CSRNP3: variants seen among roughly 807,000 people sequenced by gnomAD.
The protein encoded by CSRNP3 is cysteine and serine rich nuclear protein 3, also known as cysteine/serine-rich nuclear protein 3.
Under a neutral mutation model 48.0 loss-of-function variants are expected in CSRNP3, and 12 were observed. That is an observed-to-expected ratio of 0.25 (90% CI 0.16 to 0.41). The LOEUF (loss-of-function observed/expected upper bound fraction) is 0.41, where lower values mean the gene tolerates loss of function less well. Among genes scored for constraint, CSRNP3 ranks in the 10% least tolerant of loss-of-function variants. The probability of loss-of-function intolerance (pLI) is 1.00; values close to 1 mark genes in which losing one functional copy is unlikely to be tolerated. For synonymous variants in CSRNP3, 263 were observed against 269.7 expected (o/e 0.98, Z 0.24); for missense variants, 580 against 724.4 (o/e 0.80, Z 2.29).
chr2:165,621,094 A>G (rs62176877), intron 4 of CSRNP3, among the ~76,000 whole-genome samples: 22,683 of 152,034 alleles, frequency 0.15, 1,942 homozygotes, highest in East Asian at 0.35. Flanking sequence ...ACATAAATAT[A>G]TGATCACATT....
intron 3 of CSRNP3, among the ~76,000 whole-genome samples, chr2:165,544,890 C>G (rs541466179): frequency 3.3e-5 from 5 of 152,000 alleles, no homozygotes; most frequent in African/African-American, 1.2e-4. Context: ...AGAAAGGAAC[C>G]AAGAATTGAG....
At chr2:165,522,544 T>G (rs1246252169) in intron 3 of CSRNP3, among the ~76,000 whole-genome samples, 1 of 152,020 alleles carries the variant, frequency 6.6e-6, no homozygotes, top group African/African-American at 2.4e-5. Context: ...GAAAAGAGTT[T>G]ATTACATATG....
chr2:165,624,191 A>T (rs897877717), intron 4 of CSRNP3, among the ~76,000 whole-genome samples: 14 of 152,292 alleles, frequency 9.2e-5, no homozygotes, highest in Admixed American at 7.2e-4. Flanking sequence ...TGGACTTTTT[A>T]ATAAAATAAT....
At chr2:165,492,419 C>G (rs916415237) in intron 1 of CSRNP3, among the ~76,000 whole-genome samples, 1 of 152,030 alleles carries the variant, frequency 6.6e-6, no homozygotes, top group African/African-American at 2.4e-5. Flanking sequence ...CCCACTGTGT[C>G]TCTCTTGGGC....
chr2:165,620,149 A>G (rs1362289540), intron 4 of CSRNP3, among the ~76,000 whole-genome samples: 1 of 152,184 alleles, frequency 6.6e-6, no homozygotes, highest in Non-Finnish European at 1.5e-5. Context: ...TAAGCATGAT[A>G]AATTTTTACA....
At chr2:165,533,461 A>G (rs931274077) in intron 3 of CSRNP3, among the ~76,000 whole-genome samples, 2 of 152,038 alleles carry the variant, frequency 1.3e-5, no homozygotes, top group Non-Finnish European at 2.9e-5. Context: ...TGACAATCTC[A>G]TAAGGTTAAA....
At chr2:165,490,075 A>T in intron 1 of CSRNP3, among the ~76,000 whole-genome samples, 1 of 151,498 alleles carries the variant, frequency 6.6e-6, no homozygotes, top group East Asian at 1.9e-4. Flanking sequence ...AAATCTCCTT[A>T]AGCTGATAAG....
intron 4 of CSRNP3, among the ~76,000 whole-genome samples, chr2:165,656,221 C>G (rs1344781240): frequency 6.6e-6 from 1 of 152,304 alleles, no homozygotes; most frequent in East Asian, 1.9e-4. Context: ...AAAAGTCACT[C>G]AAATTCTACA....
chr2:165,524,831 T>G (rs894216844), intron 3 of CSRNP3, among the ~76,000 whole-genome samples: 11 of 152,232 alleles, frequency 7.2e-5, no homozygotes, highest in Admixed American at 3.9e-4. Context: ...TGTTTATTCA[T>G]CCATCCACTT....
At chr2:165,492,724 TAAAAAA>T (rs11304265) in intron 1 of CSRNP3, among the ~76,000 whole-genome samples, 3 of 110,178 alleles carry the variant, frequency 2.7e-5, no homozygotes, top group African/African-American at 1.1e-4. Context: ...ACTATTAGAG[TAAAAAA>T]AAAAAAAAAA....
intron 5 of CSRNP3, among the ~76,000 whole-genome samples, chr2:165,673,408 G>A (rs1160188217): frequency 2.6e-5 from 4 of 151,824 alleles, no homozygotes; most frequent in East Asian, 1.9e-4. Flanking sequence ...AAAGTGCTGT[G>A]ATTACAGGCA....
intron 2 of CSRNP3, among the ~76,000 whole-genome samples, chr2:165,499,591 T>C (rs16850796): frequency 0.016 from 2,414 of 152,266 alleles, 61 homozygotes; most frequent in African/African-American, 0.054. Context: ...ATATGTTTTA[T>C]ATGTTCGGCT....
At chr2:165,621,760 A>G (rs1686343726) in intron 4 of CSRNP3, among the ~76,000 whole-genome samples, 3 of 152,194 alleles carry the variant, frequency 2.0e-5, no homozygotes, top group African/African-American at 4.8e-5. Flanking sequence ...TTTAGTCTTG[A>G]TACCTGCAAC....
At chr2:165,662,220 G>C (rs1313777545) in intron 5 of CSRNP3, among the ~76,000 whole-genome samples, 1 of 150,004 alleles carries the variant, frequency 6.7e-6, no homozygotes, top group African/African-American at 2.5e-5. Context: ...TCATAAAATT[G>C]CTCCTAATTT....
intron 1 of CSRNP3, among the ~76,000 whole-genome samples, chr2:165,493,631 A>G (rs1397769430): frequency 6.6e-6 from 1 of 152,254 alleles, no homozygotes; most frequent in East Asian, 1.9e-4. Flanking sequence ...GAGATTAAAT[A>G]AGGAAAGCAT....
At chr2:165,604,493 T>G (rs1685976651) in intron 4 of CSRNP3, among the ~76,000 whole-genome samples, 1 of 152,246 alleles carries the variant, frequency 6.6e-6, no homozygotes, top group Non-Finnish European at 1.5e-5. Flanking sequence ...TTTATAATTT[T>G]GATGAGTGTC....
intron 5 of CSRNP3, among the ~76,000 whole-genome samples, chr2:165,671,960 T>C (rs1034196517): frequency 6.6e-6 from 1 of 152,168 alleles, no homozygotes; most frequent in Non-Finnish European, 1.5e-5. Context: ...TCACCTTTGC[T>C]CCAGTTGCCA....
intron 4 of CSRNP3, among the ~76,000 whole-genome samples, chr2:165,638,612 G>T (rs146447514): frequency 6.6e-6 from 1 of 152,188 alleles, no homozygotes; most frequent in East Asian, 1.9e-4. Flanking sequence ...GTATAGAAAA[G>T]TACCTATCTC....
chr2:165,643,349 C>G (rs1158033590), intron 4 of CSRNP3, among the ~76,000 whole-genome samples: 1 of 152,180 alleles, frequency 6.6e-6, no homozygotes, highest in Non-Finnish European at 1.5e-5. Flanking sequence ...AAGTCTTCCT[C>G]TGGGACAAAG....
Sources: gnomAD v4.1 joint callset for allele counts (sites outside exome capture counted in the v4.1 genomes callset) on GRCh38, gnomAD v4.1.1 for gene constraint, MANE v1.5 for transcripts, NCBI Gene and HGNC (gene_info 2026-07-23, HGNC 2026-07-21) for gene names.